FRAS1: variants seen among roughly 807,000 people sequenced by gnomAD.
The protein encoded by FRAS1 is Fraser extracellular matrix complex subunit 1, also known as extracellular matrix organizing protein FRAS1.
In FRAS1, 290 loss-of-function variants were observed where a neutral mutation model predicts 435.2. The observed-to-expected ratio is 0.67, with a 90% CI of 0.61 to 0.73. The LOEUF is 0.73. Among genes scored for constraint, FRAS1 ranks in the 30% least tolerant of loss-of-function variants. The pLI, the probability that FRAS1 is intolerant of heterozygous loss-of-function variation, is 0.00. For synonymous variants in FRAS1, 1,800 were observed against 1,851.0 expected (o/e 0.97, Z 0.71); for missense variants, 4,860 against 5,001.5 (o/e 0.97, Z 0.85).
chr4:78,193,378 G>A (rs538085786), intron 2 of FRAS1, among the ~76,000 whole-genome samples: 3,790 of 152,236 alleles, frequency 0.025, 76 homozygotes, highest in African/African-American at 0.045. Context: ...GGGTGTTAAA[G>A]TTTCCCATTA....
At chr4:78,468,997 T>A (rs1719622326) in intron 50 of FRAS1, among the ~76,000 whole-genome samples, 1 of 152,214 alleles carries the variant, frequency 6.6e-6, no homozygotes, top group Non-Finnish European at 1.5e-5. Context: ...GGGATGGCTC[T>A]TGGGATTTTC....
intron 2 of FRAS1, among the ~76,000 whole-genome samples, chr4:78,209,835 G>A (rs1417569230): frequency 1.3e-5 from 2 of 152,192 alleles, no homozygotes; most frequent in Non-Finnish European, 2.9e-5. Flanking sequence ...TCGTCAAGGA[G>A]GCTAATTTCA....
At chr4:78,172,094 C>G (rs1448830752) in intron 2 of FRAS1, among the ~76,000 whole-genome samples, 1 of 152,116 alleles carries the variant, frequency 6.6e-6, no homozygotes, top group Non-Finnish European at 1.5e-5. Flanking sequence ...CTGACCTTCT[C>G]TCTCCCCTTC....
intron 2 of FRAS1, among the ~76,000 whole-genome samples, chr4:78,167,925 G>T (rs905388351): frequency 1.4e-4 from 21 of 152,112 alleles, no homozygotes; most frequent in African/African-American, 5.1e-4. Flanking sequence ...TGTACTTGGT[G>T]CTTGTGGGAA....
chr4:78,515,323 C>CT (rs78491600), intron 65 of FRAS1, among the ~76,000 whole-genome samples: 1,943 of 136,354 alleles, frequency 0.014, 28 homozygotes, highest in Non-Finnish European at 0.015. Flanking sequence ...GGTATGCTGG[C>CT]TTTTTTTTTT....
intron 14 of FRAS1, among the ~76,000 whole-genome samples, chr4:78,289,539 T>C (rs192526503): frequency 3.3e-5 from 5 of 152,246 alleles, no homozygotes; most frequent in African/African-American, 1.2e-4. Flanking sequence ...GGTAGGGCCA[T>C]AGAGTGATCA....
intron 9 of FRAS1, among the ~76,000 whole-genome samples, chr4:78,268,722 G>A (rs182092076): frequency 2.0e-5 from 3 of 152,290 alleles, no homozygotes; most frequent in Admixed American, 1.3e-4. Context: ...CATATCCCTA[G>A]CATTTCTGCA....
chr4:78,072,283 G>C (rs1740398307), intron 2 of FRAS1, among the ~76,000 whole-genome samples: 1 of 152,120 alleles, frequency 6.6e-6, no homozygotes, highest in Non-Finnish European at 1.5e-5. Context: ...TTCAATGTTA[G>C]AGTCTTTTTA....
chr4:78,519,337 G>T lies in FRAS1; in HGVS notation c.10396G>T (p.Asp3466Tyr). ...GSVTADFQVRDSAQSFLTVHV... is the reference protein window; with the variant it reads ...GSVTADFQVRYSAQSFLTVHV... Reference sequence around the variant, plus strand: ...CATACTGCTTCCTCGGCAGGTGAGGGACTCTGCCCAGTCCTTCTTGACAGT... The same window carrying T: ...CATACTGCTTCCTCGGCAGGTGAGGTACTCTGCCCAGTCCTTCTTGACAGT... Residue 3466 changes from aspartate to tyrosine, a missense_variant, in exon 67 of 74, where the codon GAC becomes TAC. Physicochemically the swap from Asp to Tyr is radical, Grantham distance 160. Coordinates refer to ENST00000512123, the MANE Select transcript of FRAS1 (RefSeq NM_025074.7). The T allele has an allele frequency of 1.3e-6, 2 of 1,536,794 alleles. No individual in the cohort carries two copies. The highest frequency in any genetic ancestry group is 1.7e-6 in the Non-Finnish European group (2 of 1,146,376).
chr4:78,279,179 A>G (rs1057357866), intron 10 of FRAS1, among the ~76,000 whole-genome samples: 4 of 152,210 alleles, frequency 2.6e-5, no homozygotes, highest in African/African-American at 9.6e-5. Context: ...AGGAGGAAAC[A>G]TACCAGGAAT....
At chr4:78,394,609 A>G (rs1732582100) in intron 29 of FRAS1, among the ~76,000 whole-genome samples, 1 of 151,984 alleles carries the variant, frequency 6.6e-6, no homozygotes, top group East Asian at 1.9e-4. Context: ...AATTACTATA[A>G]CTTTGTAATG....
In FRAS1 at chr4:78,362,362, G is replaced by C. The variant is rs116988344; in HGVS notation, c.2423-1151G>C. ...CCCTGTTGATGCAGGATTTTTCTCA[G>C]CTTGTTTGCCGGACTCATGGCAGCG... On this transcript the variant is annotated intron_variant, in intron 20 of 73. Transcript: ENST00000512123. 1.6e-3 allele frequency among the ~76,000 whole-genome samples: 237 copies of C among 152,346 alleles called. 7 individuals carry two copies. The East Asian group carries it at 0.044, about 28-fold the overall frequency.
intron 3 of FRAS1, among the ~76,000 whole-genome samples, chr4:78,238,228 T>C (rs185933926): frequency 1.5e-4 from 23 of 152,052 alleles, no homozygotes; most frequent in Admixed American, 6.6e-4. Context: ...AAGTCTATGA[T>C]TGGTATTTCC....
At chr4:78,154,939 T>A (rs1720819569) in intron 2 of FRAS1, among the ~76,000 whole-genome samples, 1 of 152,210 alleles carries the variant, frequency 6.6e-6, no homozygotes, top group Admixed American at 6.5e-5. Flanking sequence ...ACCATTTTCC[T>A]GGCCCAGTGA....
Position 78,540,986 on chromosome 4 carries a change from T to C in FRAS1, c.11901T>C (p.Asn3967=). ...RHPDRVEKNV[N]RHYCTVRNVN... is the part of the protein sequence containing the mutation. ...CGGACCGGGTGGAGAAGAACGTGAA[T>C]AGACACTACTGCACTGTGCGGAACG... The change falls in exon 74 of 74, where the codon AAT becomes AAC. Residue 3967 remains asparagine (N), a synonymous_variant. Coordinates refer to ENST00000512123, the MANE Select transcript of FRAS1 (RefSeq NM_025074.7). The C allele has an allele frequency of 3.1e-6, 5 of 1,613,020 alleles. No homozygotes were observed. Among genetic ancestry groups the C allele is most frequent in the Non-Finnish European group, 4.2e-6 (5 of 1,179,448 alleles).
intron 2 of FRAS1, among the ~76,000 whole-genome samples, chr4:78,232,442 T>C (rs2124146): frequency 0.66 from 100,853 of 151,788 alleles, 33,618 homozygotes; most frequent in African/African-American, 0.71. Context: ...CCCGCCACCA[T>C]GCCCAGCTAA....
chr4:78,438,754 A>T, intron 39 of FRAS1, 36 bp downstream of exon 39: 1 of 1,544,172 alleles, frequency 6.5e-7, no homozygotes, highest in Non-Finnish European at 8.8e-7. Flanking sequence ...ACAGATTCTT[A>T]AAAACTTGTA....
Position 78,282,820 on chromosome 4 carries a change from G to A in FRAS1, c.1108G>A (p.Glu370Lys), listed in dbSNP as rs1318112505. Residue 370 changes from glutamate (E) to lysine (K), a missense_variant and splice_region_variant, in exon 12 of 74, where the codon GAG becomes AAG. Coordinates refer to ENST00000512123, the MANE Select transcript of FRAS1 (RefSeq NM_025074.7). The part of the protein sequence containing the change: ...SNASEVKRIP[E>K]GEKWEDGPCK... The stretch of plus-strand genomic sequence containing the variant: ...TGCTGTTCTTCACTTTTTTGCGTAG[G>A]AGGGAGAGAAGTGGGAAGATGGCCC... 3.1e-6 allele frequency: 5 copies of A among 1,612,974 alleles called. No homozygotes were observed. Among genetic ancestry groups the A allele is most frequent in the East Asian group, 2.2e-5 (1 of 44,874 alleles).
Position 78,364,895 on chromosome 4 carries a change from C to T in FRAS1, c.2722+841C>T, listed in dbSNP as rs1731203441. 2.6e-5 allele frequency among the ~76,000 whole-genome samples: 4 copies of T among 152,124 alleles called. 1 individual carries two copies. The South Asian group carries it at 8.3e-4, about 32-fold the overall frequency. On this transcript the variant is annotated intron_variant, in intron 22 of 73. Transcript: ENST00000512123. ...GGAGTAGTGGTTAGGAGAGTGGGCT[C>T]TAGAGTCAGAGAATTGAAGTTCAAA... is the stretch of plus-strand genomic sequence containing the variant.
Sources: gnomAD v4.1 joint callset for allele counts (sites outside exome capture counted in the v4.1 genomes callset) on GRCh38, gnomAD v4.1.1 for gene constraint, MANE v1.5 for transcripts, NCBI Gene and HGNC (gene_info 2026-07-23, HGNC 2026-07-21) for gene names.